LDB3: variants seen among roughly 807,000 people sequenced by gnomAD.
LDB3 encodes the protein LIM domain-binding protein 3.
LDB3 carries 49 observed loss-of-function variants against 69.0 expected under a neutral mutation model. That is an observed-to-expected ratio of 0.71 (90% CI 0.56 to 0.90). The LOEUF (loss-of-function observed/expected upper bound fraction) is 0.90. LDB3 is among the 40% of genes least tolerant of loss of function. The probability of loss-of-function intolerance (pLI) is 0.00; values close to 1 mark genes in which losing one functional copy is unlikely to be tolerated. For synonymous variants in LDB3, 387 were observed against 396.2 expected, an observed-to-expected ratio of 0.98 and a Z score of 0.28; for missense variants, 928 against 974.1, an observed-to-expected ratio of 0.95 and a Z score of 0.63.
chr10:86,722,029 C>T (rs777786688), intron 12 of LDB3, among the ~76,000 whole-genome samples: 10 of 152,178 alleles, frequency 6.6e-5, no homozygotes, highest in Non-Finnish European at 1.3e-4. Flanking sequence ...GGAAAAGGCC[C>T]ATGCACAGAC....
chr10:86,691,791 G>C, intron 5 of LDB3, 105 bp from the exon 6 acceptor site: 1 of 1,296,270 alleles, frequency 7.7e-7, no homozygotes, highest in Non-Finnish European at 1.1e-6. Context: ...AGGCAAGGTG[G>C]GGACAGAACG....
At chr10:86,706,967 CAG>C (rs1846469179) in intron 8 of LDB3, among the ~76,000 whole-genome samples, 2 of 152,196 alleles carry the variant, frequency 1.3e-5, no homozygotes, top group Admixed American at 6.5e-5. Flanking sequence ...AGAGAGGTAA[CAG>C]TGTCTCTCTC....
At position 86,668,725 on chromosome 10, in the gene LDB3, C is replaced by A; in HGVS notation, c.34C>A (p.Pro12Thr). 6.2e-7 allele frequency: 1 copy of A among 1,613,364 alleles called. No individual in the cohort carries two copies. The highest frequency in any genetic ancestry group is 1.1e-5 in the South Asian group (1 of 91,072). Residue 12 changes from proline to threonine, a missense_variant, in exon 2 of 14, where the codon CCC becomes ACC. By Grantham distance (38) the Pro-to-Thr change is conservative (BLOSUM62 -1). Coordinates refer to ENST00000361373, the MANE Select transcript of LDB3 (RefSeq NM_007078.3). ...SYSVTLTGPG[P>T]WGFRLQGGKD... ...CAGTGTGACCCTGACTGGGCCCGGGCCCTGGGGCTTCCGTCTGCAGGGGGG... is the reference window on the plus strand; with the variant it reads ...CAGTGTGACCCTGACTGGGCCCGGGACCTGGGGCTTCCGTCTGCAGGGGGG...
At chr10:86,703,718 G>A (rs1019149280) in intron 7 of LDB3, among the ~76,000 whole-genome samples, 1 of 152,206 alleles carries the variant, frequency 6.6e-6, no homozygotes, top group South Asian at 2.1e-4. Context: ...CTGAGGGCCC[G>A]CTTGCATTCC....
At chr10:86,673,074 A>G (rs1844576940) in intron 2 of LDB3, among the ~76,000 whole-genome samples, 1 of 152,054 alleles carries the variant, frequency 6.6e-6, no homozygotes, top group Admixed American at 6.6e-5. Context: ...CAGCTTTGGC[A>G]CCCCTTTGGG....
chr10:86,732,914 C>G lies in LDB3; in HGVS notation c.2122C>G (p.Pro708Ala), dbSNP rs1286349596. ...AVCHVNLEGQ[P>A]FYSKKDRPLC... ...CTGCCATGTGAATCTGGAGGGGCAG[C>G]CGTTCTACTCCAAGAAGGACAGACC... is the stretch of plus-strand genomic sequence containing the variant. The change falls in exon 14 of 14, where the codon CCG (proline) becomes GCG (alanine). Residue 708 changes from proline (P) to alanine (A), a missense_variant. Physicochemically the swap from Pro to Ala is conservative, Grantham distance 27 (BLOSUM62 -1). Coordinates refer to ENST00000361373, the MANE Select transcript of LDB3 (RefSeq NM_007078.3). 1.9e-6 allele frequency: 3 copies of G among 1,613,894 alleles called. No individual in the cohort carries two copies. The South Asian group carries it at 3.3e-5, about 18-fold the overall frequency.
chr10:86,685,996 G>A (rs1488341370), intron 5 of LDB3, among the ~76,000 whole-genome samples: 1 of 152,032 alleles, frequency 6.6e-6, no homozygotes, highest in Admixed American at 6.5e-5. Context: ...CAGGGGGAGG[G>A]GGACACAGGC....
chr10:86,711,222 C>T (rs916277451), intron 9 of LDB3, among the ~76,000 whole-genome samples: 6 of 152,144 alleles, frequency 3.9e-5, no homozygotes, highest in African/African-American at 1.4e-4. Context: ...GCGCTTCTGG[C>T]ACCTTCCGGG....
upstream of LDB3, chr10:86,668,480 A>T: frequency 1.5e-6 from 1 of 646,422 alleles, no homozygotes. Flanking sequence ...CCGAAGGCAG[A>T]TATCAGTGTC....
At position 86,694,580 on chromosome 10, in the gene LDB3, A is replaced by T. The variant is rs144374653; in HGVS notation, c.896+2009A>T. Among the ~76,000 whole-genome samples the T allele has an allele frequency of 6.8e-3, 1,033 of 152,206 alleles. 11 individuals are homozygous for T. The highest frequency in any genetic ancestry group is 0.015 in the African/African-American group (643 of 41,542). On this transcript the variant is annotated intron_variant, in intron 7 of 13. Transcript: ENST00000361373. Reference sequence around the variant, plus strand: ...CCAGCCAGCCTCTGCCCAGGTCTGGAGGGGCTCCTCTCCCTTCTTCTGACT... The same window carrying T: ...CCAGCCAGCCTCTGCCCAGGTCTGGTGGGGCTCCTCTCCCTTCTTCTGACT...
chr10:86,672,930 G>C (rs1844569012), intron 2 of LDB3, among the ~76,000 whole-genome samples: 1 of 152,218 alleles, frequency 6.6e-6, no homozygotes, highest in African/African-American at 2.4e-5. Flanking sequence ...GAGAAAGGCT[G>C]GGCCAGGCTC....
At chr10:86,668,618 C>G (rs1328540094) in intron 1 of LDB3, 48 bp downstream of exon 1, 1 of 1,169,548 alleles carries the variant, frequency 8.6e-7, no homozygotes, top group African/African-American at 1.5e-5. Flanking sequence ...ACCGGGCAGG[C>G]GGAGTGCCTG....
At chr10:86,705,641 A>G (rs1276182720) in intron 7 of LDB3, among the ~76,000 whole-genome samples, 1 of 152,170 alleles carries the variant, frequency 6.6e-6, no homozygotes, top group Non-Finnish European at 1.5e-5. Context: ...TTCTGCCTGC[A>G]CTGGCATTTG....
chr10:86,696,155 C>T (rs1203322925), intron 7 of LDB3, among the ~76,000 whole-genome samples: 1 of 152,220 alleles, frequency 6.6e-6, no homozygotes, highest in Non-Finnish European at 1.5e-5. Flanking sequence ...CCTCTTCCCT[C>T]CTGCAGCCTC....
At chr10:86,683,841 TC>T (rs1363330469) in intron 5 of LDB3, among the ~76,000 whole-genome samples, 1 of 152,190 alleles carries the variant, frequency 6.6e-6, no homozygotes, top group Non-Finnish European at 1.5e-5. Flanking sequence ...GGCACACTTC[TC>T]CCATGCTGAG....
At chr10:86,706,797 C>A in intron 8 of LDB3, 78 bp downstream of exon 8, 1 of 1,470,866 alleles carries the variant, frequency 6.8e-7, no homozygotes, top group Non-Finnish European at 9.2e-7. Flanking sequence ...TACCTGTGGC[C>A]AGCTGTGTCC....
In LDB3 at chr10:86,699,852, A is replaced by G. The variant is rs368357726; in HGVS notation, c.897-6679A>G. ...GCCCGGCTCCCTCGCTGCCCTCTGGAGCTCAGGGCAGCCCGGAATAGGGCT... is the reference window on the plus strand; with the variant it reads ...GCCCGGCTCCCTCGCTGCCCTCTGGGGCTCAGGGCAGCCCGGAATAGGGCT... On this transcript the variant is annotated intron_variant, in intron 7 of 13. Coordinates refer to ENST00000361373, the MANE Select transcript of LDB3 (RefSeq NM_007078.3). This position sits in a 1 kb window ranked among gnomAD's most constrained non-coding sequence, Gnocchi z 4.9. 2.0e-6 allele frequency: 2 copies of G among 1,023,604 alleles called. No homozygotes were observed. Among genetic ancestry groups the G allele is most frequent in the South Asian group, 8.0e-5 (2 of 24,864 alleles). 63.4% of individuals were successfully genotyped at this position (1,023,604 alleles called of 1,614,324 possible).
chr10:86,726,503 T>G, intron 13 of LDB3: 1 of 518,922 alleles, frequency 1.9e-6, no homozygotes, highest in Non-Finnish European at 3.5e-6. Flanking sequence ...GTCCCAGGGT[T>G]TGGCAAACCA....
At chr10:86,704,497 G>A (rs538122371) in intron 7 of LDB3, among the ~76,000 whole-genome samples, 25 of 151,364 alleles carry the variant, frequency 1.7e-4, no homozygotes, top group African/African-American at 4.9e-4. Context: ...TCGGCTCACC[G>A]CAACCTCTGC....
Sources: gnomAD v4.1 joint callset for allele counts (sites outside exome capture counted in the v4.1 genomes callset) on GRCh38, gnomAD v4.1.1 for gene constraint, Gnocchi (gnomAD v3.1) non-coding constraint, MANE v1.5 for transcripts, NCBI Gene and HGNC (gene_info 2026-07-23, HGNC 2026-07-21) for gene names.